The following ASCC1 variants were observed in gnomAD, a reference collection of about 807,000 sequenced individuals.
ASCC1 encodes ASC-1 complex subunit P50.
In ASCC1, 35 loss-of-function variants were observed where a neutral mutation model predicts 46.6. The observed-to-expected ratio is 0.75, with a 90% confidence interval of 0.57 to 0.99. The LOEUF is 0.99. Ranked by LOEUF, ASCC1 falls within the 50% of genes least tolerant of loss-of-function variation. The pLI, the probability that ASCC1 is intolerant of heterozygous loss-of-function variation, is 0.00. For synonymous variants in ASCC1, 143 were observed against 146.6 expected (o/e 0.98, Z 0.18); for missense variants, 376 against 428.7 (o/e 0.88, Z 1.09).
intron 9 of ASCC1, among the ~76,000 whole-genome samples, chr10:72,105,071 A>C (rs575079442): frequency 8.5e-5 from 13 of 152,260 alleles, no homozygotes; most frequent in African/African-American, 3.1e-4. Flanking sequence ...CTCTGCCTTC[A>C]ACATCCTTCA....
At chr10:72,152,172 GTTTT>G (rs57745135) in intron 7 of ASCC1, among the ~76,000 whole-genome samples, 14 of 135,090 alleles carry the variant, frequency 1.0e-4, no homozygotes, top group African/African-American at 3.0e-4. Context: ...TTGTTTTTGG[GTTTT>G]TTTTTTTTTG....
chr10:72,190,686 G>C (rs1854294432), intron 5 of ASCC1: 4 of 651,844 alleles, frequency 6.1e-6, no homozygotes, highest in African/African-American at 1.8e-5. Context: ...TTTAATGAAT[G>C]CTTTGTCAAA....
intron 6 of ASCC1, among the ~76,000 whole-genome samples, chr10:72,160,493 GAAT>G (rs1564669952): frequency 6.6e-6 from 1 of 151,882 alleles, no homozygotes; most frequent in Non-Finnish European, 1.5e-5. Flanking sequence ...AGTAAAAAAA[GAAT>G]AACAACTCTG....
At chr10:72,199,161 T>C (rs528045221) in intron 4 of ASCC1, among the ~76,000 whole-genome samples, 1 of 151,760 alleles carries the variant, frequency 6.6e-6, no homozygotes, top group South Asian at 2.1e-4. Context: ...TCTTGCTCTG[T>C]CGCCCAGGCT....
At chr10:72,114,723 A>G (rs531567547) in intron 9 of ASCC1, among the ~76,000 whole-genome samples, 16 of 152,318 alleles carry the variant, frequency 1.1e-4, no homozygotes, top group Admixed American at 3.9e-4. Context: ...TCTTTATGAC[A>G]TAATTAGTTT....
At position 72,126,159 on chromosome 10, in the gene ASCC1, T is replaced by C. The variant is rs1384942081; in HGVS notation, c.957+1923A>G. ...CTTTACGGGAGGCAGCAGAAAATAA[T>C]GCTCAATTTGTGAGTTTTGAGTCTT... On this transcript the variant is annotated intron_variant, in intron 9 of 9. Coordinates refer to ENST00000672957, the MANE Select transcript of ASCC1 (RefSeq NM_001198800.3). 2.6e-5 allele frequency among the ~76,000 whole-genome samples: 4 copies of C among 152,170 alleles called. No homozygotes were observed. The East Asian group carries it at 7.7e-4, about 29-fold the overall frequency.
At chr10:72,178,808 A>G (rs11000204) in intron 5 of ASCC1, among the ~76,000 whole-genome samples, 57,787 of 152,070 alleles carry the variant, frequency 0.38, 12,753 homozygotes, top group Non-Finnish European at 0.51. Context: ...CTATAACCTG[A>G]TATTTCAACA....
At chr10:72,199,566 G>A (rs893358003) in intron 4 of ASCC1, among the ~76,000 whole-genome samples, 4 of 152,092 alleles carry the variant, frequency 2.6e-5, no homozygotes, top group African/African-American at 9.7e-5. Flanking sequence ...AAAGTGCTGG[G>A]ATTACAGGCG....
In ASCC1 at chr10:72,152,924, G is replaced by A. The variant is rs1403039902; in HGVS notation, c.691C>T (p.Pro231Ser). ...MAGIEYMNDD[P>S]GMVDVLYAKV... ...GCGTAAAGAACATCCACCATGCCAG[G>A]ATCATCATTCATGTATTCTATCCCT... The change falls in exon 7 of 10, where the codon CCT becomes TCT. Residue 231 changes from proline (P) to serine (S), a missense_variant. Pro to Ser is a moderately conservative substitution (Grantham distance 74). Coordinates refer to ENST00000672957, the MANE Select transcript of ASCC1 (RefSeq NM_001198800.3). 3.7e-6 allele frequency: 6 copies of A among 1,614,076 alleles called. No homozygotes were observed. The highest frequency in any genetic ancestry group is 2.7e-5 in the African/African-American group (2 of 75,016).
intron 7 of ASCC1, 128 bp from the exon 8 acceptor site, chr10:72,133,309 G>A: frequency 1.1e-6 from 1 of 923,290 alleles, no homozygotes; most frequent in Non-Finnish European, 1.7e-6. Context: ...CATCACAGGA[G>A]GAAGAATAAG....
intron 5 of ASCC1, among the ~76,000 whole-genome samples, chr10:72,191,710 G>A (rs1233879542): frequency 6.6e-6 from 1 of 152,026 alleles, no homozygotes; most frequent in Admixed American, 6.6e-5. Context: ...ACAATGGCGT[G>A]ATCTCGGCTC....
intron 9 of ASCC1, chr10:72,102,839 G>A: frequency 2.8e-6 from 1 of 356,684 alleles, no homozygotes; most frequent in Non-Finnish European, 5.5e-6. Context: ...GCCAGGCATG[G>A]TGGCGGTCAC....
intron 9 of ASCC1, among the ~76,000 whole-genome samples, chr10:72,123,317 C>G (rs1170067951): frequency 1.4e-5 from 2 of 140,842 alleles, no homozygotes; most frequent in Non-Finnish European, 3.0e-5. Flanking sequence ...CCAGCCTGGG[C>G]GGCAGAGCAA....
At chr10:72,208,389 A>T (rs1173214291) in intron 3 of ASCC1, among the ~76,000 whole-genome samples, 1 of 151,720 alleles carries the variant, frequency 6.6e-6, no homozygotes, top group African/African-American at 2.4e-5. Flanking sequence ...AAATGTCACT[A>T]GAGCCTGATT....
chr10:72,190,806 G>A (rs925213973), intron 5 of ASCC1, among the ~76,000 whole-genome samples: 1 of 151,684 alleles, frequency 6.6e-6, no homozygotes, highest in Admixed American at 6.6e-5. Context: ...GACCATCCTG[G>A]CCAACATGGT....
rs553611415 is a variant in ASCC1 at position 72,096,643 on chromosome 10, T to C, written c.*691A>G. The C allele has an allele frequency of 6.6e-6, 3 of 454,030 alleles. No individual in the cohort carries two copies. Among genetic ancestry groups the C allele is most frequent in the African/African-American group, 4.0e-5 (2 of 50,104 alleles). 28.1% of individuals were successfully genotyped at this position (454,030 alleles called of 1,614,324 possible). Reference sequence around the variant, plus strand: ...GTGTCTGTATTAGCACTACTCCCAATAGTCAAGAGGAAGCAAGCCAAGTGT... The same window carrying C: ...GTGTCTGTATTAGCACTACTCCCAACAGTCAAGAGGAAGCAAGCCAAGTGT... On this transcript the variant is annotated 3_prime_UTR_variant, in exon 10 of 10. Coordinates refer to ENST00000672957, the MANE Select transcript of ASCC1 (RefSeq NM_001198800.3).
chr10:72,197,715 G>C (rs574026500), intron 4 of ASCC1, among the ~76,000 whole-genome samples: 3 of 151,556 alleles, frequency 2.0e-5, no homozygotes, highest in Middle Eastern at 3.2e-3. Context: ...AGACCAGCCT[G>C]GCCAATATGG....
intron 3 of ASCC1, chr10:72,204,620 A>G: frequency 7.5e-7 from 1 of 1,339,098 alleles, no homozygotes; most frequent in Non-Finnish European, 1.0e-6. Flanking sequence ...TATGACTTCA[A>G]TTACAGTACC....
At chr10:72,177,088 T>C (rs1033597634) in intron 5 of ASCC1, among the ~76,000 whole-genome samples, 6 of 152,176 alleles carry the variant, frequency 3.9e-5, no homozygotes, top group African/African-American at 7.2e-5. Context: ...ATATGTCCTA[T>C]ATGTTATATA....
Sources: gnomAD v4.1 joint callset for allele counts (sites outside exome capture counted in the v4.1 genomes callset) on GRCh38, gnomAD v4.1.1 for gene constraint, MANE v1.5 for transcripts, NCBI Gene and HGNC (gene_info 2026-07-23, HGNC 2026-07-21) for gene names.